Variants in GSE1 observed in about 807,000 individuals in gnomAD.
The protein encoded by GSE1 is Gse1 coiled-coil protein.
In GSE1, 32 loss-of-function variants were observed where a neutral mutation model predicts 112.6. The observed-to-expected ratio is 0.28, with a 90% CI of 0.21 to 0.38. The LOEUF (loss-of-function observed/expected upper bound fraction) is 0.38. Among genes scored for constraint, GSE1 ranks in the 10% least tolerant of loss-of-function variants. The pLI, the probability that GSE1 is intolerant of heterozygous loss-of-function variation, is 1.00. For missense variants in GSE1, 2,348 were observed against 1,699.2 expected, an observed-to-expected ratio of 1.38 and a Z score of -6.71; for synonymous variants, 1,115 against 735.6, an observed-to-expected ratio of 1.52 and a Z score of -8.35.
intron 3 of GSE1, among the ~76,000 whole-genome samples, chr16:85,652,540 A>T (rs1246397042): frequency 7.1e-6 from 1 of 140,502 alleles, no homozygotes; most frequent in East Asian, 2.7e-4. Context: ...CTCATTGAAG[A>T]TTCCAGGCGG....
intron 2 of GSE1, among the ~76,000 whole-genome samples, chr16:85,418,775 G>T (rs1218586266): frequency 6.6e-6 from 1 of 152,356 alleles, no homozygotes; most frequent in East Asian, 1.9e-4. Flanking sequence ...GAAGACTGCT[G>T]CAGGGATCCA....
chr16:85,646,685 C>T (rs1031386227), intron 2 of GSE1, among the ~76,000 whole-genome samples: 2 of 152,132 alleles, frequency 1.3e-5, no homozygotes, highest in Non-Finnish European at 2.9e-5. Context: ...GTGAGCGGCA[C>T]GAGGTCTCCC....
chr16:85,583,184 G>A (rs911753128), intron 1 of GSE1, among the ~76,000 whole-genome samples: 1 of 152,158 alleles, frequency 6.6e-6, no homozygotes, highest in Admixed American at 6.5e-5. Context: ...CTGTTCCCCC[G>A]ATTACAAGGG....
At chr16:85,284,546 A>G (rs1001959735) in intron 1 of GSE1, among the ~76,000 whole-genome samples, 3 of 152,140 alleles carry the variant, frequency 2.0e-5, no homozygotes, top group South Asian at 4.2e-4. Context: ...ATGTCCACCA[A>G]TTAAGGGATT....
At chr16:85,616,545 C>T (rs1408608158) in intron 1 of GSE1, among the ~76,000 whole-genome samples, 34 of 152,236 alleles carry the variant, frequency 2.2e-4, no homozygotes, top group Admixed American at 2.2e-3. Context: ...TCTGTTGTGG[C>T]AACAGCAGGG....
At chr16:85,206,210 A>G (rs544961708) in intron 1 of GSE1, among the ~76,000 whole-genome samples, 85 of 151,936 alleles carry the variant, frequency 5.6e-4, no homozygotes, top group African/African-American at 2.0e-3. Flanking sequence ...CGCATGTGCA[A>G]AGGGCGCCGG....
chr16:85,540,727 C>T (rs558313778), intron 2 of GSE1, among the ~76,000 whole-genome samples: 39 of 152,218 alleles, frequency 2.6e-4, no homozygotes, highest in African/African-American at 9.4e-4. Flanking sequence ...CCAGCCTGAG[C>T]AACATGGTGA....
At chr16:85,539,695 A>C (rs1371163094) in intron 2 of GSE1, among the ~76,000 whole-genome samples, 1 of 152,152 alleles carries the variant, frequency 6.6e-6, no homozygotes, top group African/African-American at 2.4e-5. Flanking sequence ...GTCACGTTGA[A>C]GGGAAATTTG....
chr16:85,238,466 A>C (rs2143906787), intron 1 of GSE1, among the ~76,000 whole-genome samples: 1 of 152,280 alleles, frequency 6.6e-6, no homozygotes, highest in South Asian at 2.1e-4. Context: ...CGGGCTCTGC[A>C]GGCGGAATCC....
intron 2 of GSE1, among the ~76,000 whole-genome samples, chr16:85,505,823 A>G (rs1014724941): frequency 6.6e-6 from 1 of 152,132 alleles, no homozygotes; most frequent in Admixed American, 6.5e-5. Flanking sequence ...CAACATAGGG[A>G]GACCCCCATC....
chr16:85,433,064 C>G (rs984131341), intron 2 of GSE1, among the ~76,000 whole-genome samples: 1 of 151,908 alleles, frequency 6.6e-6, no homozygotes, highest in Non-Finnish European at 1.5e-5. Context: ...AGAGACTTCC[C>G]TGGGGCAACT....
chr16:85,620,293 C>CA (rs566771959), intron 1 of GSE1, among the ~76,000 whole-genome samples: 2 of 151,902 alleles, frequency 1.3e-5, no homozygotes, highest in South Asian at 4.2e-4. Context: ...CTTGTCTCAG[C>CA]AAAAAAACAA....
chr16:85,355,601 A>C (rs777167318), intron 1 of GSE1, among the ~76,000 whole-genome samples: 2 of 152,212 alleles, frequency 1.3e-5, no homozygotes, highest in Non-Finnish European at 2.9e-5. Context: ...GTGTGGGATG[A>C]TGAGAAAGTT....
At chr16:85,510,937 T>A (rs1253311910) in intron 2 of GSE1, among the ~76,000 whole-genome samples, 1 of 152,232 alleles carries the variant, frequency 6.6e-6, no homozygotes, top group Non-Finnish European at 1.5e-5. Flanking sequence ...TTGACCACTC[T>A]GTCAAAAACT....
intron 1 of GSE1, among the ~76,000 whole-genome samples, chr16:85,172,622 C>T (rs1161259032): frequency 1.3e-5 from 2 of 152,262 alleles, no homozygotes; most frequent in South Asian, 4.1e-4. Context: ...CTGTGAGTGG[C>T]AGTCACCAAC....
intron 2 of GSE1, among the ~76,000 whole-genome samples, chr16:85,463,656 C>T (rs950953275): frequency 6.6e-6 from 1 of 152,186 alleles, no homozygotes; most frequent in Non-Finnish European, 1.5e-5. Context: ...CCAAACTGCC[C>T]GATCACCTCC....
chr16:85,485,736 T>C (rs1359976410), intron 2 of GSE1, among the ~76,000 whole-genome samples: 6 of 152,208 alleles, frequency 3.9e-5, no homozygotes, highest in African/African-American at 1.4e-4. Flanking sequence ...ATTGTTCCTG[T>C]AATTGGGCCG....
At chr16:85,616,033 G>C (rs765717999) in intron 1 of GSE1, among the ~76,000 whole-genome samples, 1 of 152,238 alleles carries the variant, frequency 6.6e-6, no homozygotes, top group Non-Finnish European at 1.5e-5. Context: ...AGGGGCTGCA[G>C]ATCTGAGTGC....
In GSE1 at chr16:85,591,226, G is replaced by A. The variant is rs181715017; in HGVS notation, c.37+34863G>A. ...CGCCTGACCCTGGGGTTGAGGTGTA[G>A]GGGCCTCTGTCGGGCCCTCCTGGTT... On this transcript the variant is annotated intron_variant, in intron 1 of 2. Coordinates refer to the GSE1 transcript ENST00000635906. Among the ~76,000 whole-genome samples, 983 of 152,332 alleles carry A rather than the reference G, an allele frequency of 6.5e-3. 2 individuals are homozygous for A. The highest frequency in any genetic ancestry group is 0.01 in the Non-Finnish European group (697 of 68,032).
Sources: gnomAD v4.1 joint callset for allele counts (sites outside exome capture counted in the v4.1 genomes callset) on GRCh38, gnomAD v4.1.1 for gene constraint, MANE v1.5 for transcripts, NCBI Gene and HGNC (gene_info 2026-07-23, HGNC 2026-07-21) for gene names.